COL18A1: variants seen among roughly 807,000 people sequenced by gnomAD.
COL18A1 encodes collagen type XVIII alpha 1 chain, also known as collagen alpha-1(XVIII) chain.
In COL18A1, 133 loss-of-function variants were observed where a neutral mutation model predicts 168.0. The ratio of observed to expected loss-of-function variants is 0.79; its 90% CI spans 0.69 to 0.91. The LOEUF is 0.91. Ranked by LOEUF, COL18A1 falls within the 40% of genes least tolerant of loss-of-function variation. The probability of loss-of-function intolerance (pLI) is 0.00; values close to 1 mark genes in which losing one functional copy is unlikely to be tolerated. For missense variants in COL18A1, 2,126 were observed against 1,925.4 expected (o/e 1.10, Z -1.95); for synonymous variants, 949 against 809.0 (o/e 1.17, Z -2.94).
At chr21:45,431,013 G>T (rs1260181919) in intron 2 of COL18A1, among the ~76,000 whole-genome samples, 1 of 152,244 alleles carries the variant, frequency 6.6e-6, no homozygotes, top group Non-Finnish European at 1.5e-5. Context: ...TTGACGGGCG[G>T]GCCGAGCAGG....
At chr21:45,504,782 C>A (rs1364438076) in intron 34 of COL18A1, among the ~76,000 whole-genome samples, 1 of 152,132 alleles carries the variant, frequency 6.6e-6, no homozygotes, top group African/African-American at 2.4e-5. Context: ...CCATGGCCTG[C>A]CCTCCTGCTG....
rs979668245 is a variant in COL18A1, at chr21:45,496,035, C to T, written c.2509-465C>T. 6.6e-5 allele frequency: 24 copies of T among 362,646 alleles called. No individual in the cohort carries two copies. The East Asian group carries it at 1.3e-3, about 19-fold the overall frequency. The allele number at this position is 362,646 out of a possible 1,614,324, so 22.5% of individuals were successfully genotyped here. A position where few individuals can be genotyped will look rare whatever the true frequency, so the allele number is the denominator to read the frequency against. On this transcript the variant is annotated intron_variant, in intron 29 of 41. Transcript: ENST00000651438. ...CCATATACACACATACAACAGGCCC[C>T]TGTGGATTCTCAGCAGGGCATCCAT...
At chr21:45,488,467 T>G (rs761021500) in intron 18 of COL18A1, 23 bp downstream of exon 18, 69 of 1,613,574 alleles carry the variant, frequency 4.3e-5, no homozygotes, top group Non-Finnish European at 6.8e-6. Flanking sequence ...TATGTCTGGG[T>G]TTCTGTGGTT....
intron 21 of COL18A1, 44 bp from the exon 22 acceptor site, chr21:45,491,181 G>A (rs1314772095): frequency 6.6e-7 from 1 of 1,525,314 alleles, no homozygotes; most frequent in Non-Finnish European, 9.1e-7. Context: ...GTCCTGGCCA[G>A]AGCGGTTGAG....
rs138109468 is a variant in COL18A1 at position 45,445,464 on chromosome 21, G to A, written c.107-22778G>A. Among the ~76,000 whole-genome samples, 259 of 152,258 alleles carry A rather than the reference G, an allele frequency of 1.7e-3. 1 individual carries two copies. Among genetic ancestry groups the A allele is most frequent in the African/African-American group, 6.0e-3 (250 of 41,528 alleles). ...GTGGACGTGTGTCTTCGTTTCTCTC[G>A]GGTATATACCTAAGGTGGAATCACT... On this transcript the variant is annotated intron_variant, in intron 2 of 41. Transcript: ENST00000651438.
intron 2 of COL18A1, among the ~76,000 whole-genome samples, chr21:45,461,839 C>T (rs1031421785): frequency 1.3e-5 from 2 of 152,174 alleles, no homozygotes; most frequent in South Asian, 2.1e-4. Context: ...TTATAATTGC[C>T]CATGTATTTA....
rs1983003751 is a variant in COL18A1 at position 45,423,846 on chromosome 21, G to A, written c.106+18373G>A. ...TTACTGGCCAGTTTAAGACCCTCTTGGAGCAGGGTTCTGCAGTGTCCTGGG... is the reference window on the plus strand; with the variant it reads ...TTACTGGCCAGTTTAAGACCCTCTTAGAGCAGGGTTCTGCAGTGTCCTGGG... On this transcript the variant is annotated intron_variant, in intron 2 of 41. Coordinates refer to ENST00000651438, the MANE Select transcript of COL18A1 (RefSeq NM_001379500.1). This position sits in a 1 kb window ranked among gnomAD's most constrained non-coding sequence, Gnocchi z 4.0. 1 of 152,296 alleles carries A rather than the reference G, an allele frequency of 6.6e-6. No homozygotes were observed. Among genetic ancestry groups the A allele is most frequent in the African/African-American group, 2.4e-5 (1 of 41,446 alleles). The allele number at this position is 152,296 out of a possible 1,614,324, so 9.4% of individuals were successfully genotyped here. A position where few individuals can be genotyped will look rare whatever the true frequency, so the allele number is the denominator to read the frequency against.
intron 29 of COL18A1, 184 bp downstream of exon 29, chr21:45,495,616 G>T (rs1335312400): frequency 1.7e-6 from 1 of 596,422 alleles, no homozygotes; most frequent in African/African-American, 1.9e-5. Flanking sequence ...ACGCACACGT[G>T]TGCCCAAACA....
At position 45,509,454 on chromosome 21, in the gene COL18A1, G is replaced by A; in HGVS notation, c.3348G>A (p.Trp1116Ter). 1 of 1,533,982 alleles carries A rather than the reference G, an allele frequency of 6.5e-7. No homozygotes were observed. The highest frequency in any genetic ancestry group is 8.8e-7 in the Non-Finnish European group (1 of 1,142,220). Residue 1116 changes from tryptophan to a stop codon, truncating the protein, a stop_gained, in exon 39 of 42, where the codon TGG (tryptophan) becomes TGA (stop). Coordinates refer to ENST00000651438, the MANE Select transcript of COL18A1 (RefSeq NM_001379500.1). LOFTEE classifies it high-confidence loss of function. Reference sequence around the variant, plus strand: ...ACCCCCACCCCACCGCGCGGCCCTGGCGGGCAGATGACATCCTGGCCAGCC... The same window carrying A: ...ACCCCCACCCCACCGCGCGGCCCTGACGGGCAGATGACATCCTGGCCAGCC... ...REHPHPTARP[W>*]RADDILASPP...
At chr21:45,428,055 C>T (rs1038525210) in intron 2 of COL18A1, among the ~76,000 whole-genome samples, 1 of 152,212 alleles carries the variant, frequency 6.6e-6, no homozygotes, top group African/African-American at 2.4e-5. Flanking sequence ...CCGGCCAAGG[C>T]CCGTCGGCAC....
intron 2 of COL18A1, among the ~76,000 whole-genome samples, chr21:45,411,768 G>A (rs901263266): frequency 9.4e-6 from 1 of 106,688 alleles, no homozygotes; most frequent in Non-Finnish European, 1.8e-5. Flanking sequence ...GCGGGGGGTG[G>A]GGGGGGGGCA....
Position 45,471,024 on chromosome 21 carries a change from G to GC in COL18A1, c.651+2239dup, listed in dbSNP as rs1159993870. Among the ~76,000 whole-genome samples, 8 of 131,988 alleles carry GC rather than the reference G, an allele frequency of 6.1e-5. No homozygotes were observed. The highest frequency in any genetic ancestry group is 1.4e-4 in the African/African-American group (4 of 29,420). The allele number at this position is 131,988 out of a possible 152,430, so 86.6% of individuals were successfully genotyped here. A position where few individuals can be genotyped will look rare whatever the true frequency, so the allele number is the denominator to read the frequency against. ...GCTGGGCCTGGGTGGCGTGCTACGG[G>GC]CTTGTGCTGCTGGGTGTGGGTGGCG... On this transcript the variant is annotated intron_variant, in intron 3 of 41. Transcript: ENST00000651438. The surrounding 1 kb of genome is among the most constrained non-coding windows in gnomAD (Gnocchi z 4.4).
In COL18A1 at chr21:45,493,556, C is replaced by G. The variant is rs1433179531; in HGVS notation, c.2333C>G (p.Pro778Arg). The G allele has an allele frequency of 6.4e-7, 1 of 1,556,644 alleles. No homozygotes were observed. Among genetic ancestry groups the G allele is most frequent in the Non-Finnish European group, 8.7e-7 (1 of 1,150,850 alleles). Residue 778 changes from proline to arginine, a missense_variant, in exon 26 of 42, where the codon CCT becomes CGT. By Grantham distance (103) the Pro-to-Arg change is moderately radical. Transcript: ENST00000651438. ...AGCCCCGACGGCGGTGCCCTGGGCC[C>G]TGCCCAGAAAGGAGCCAAGGTGAGG... ...IFSPDGGALG[P>R]AQKGAKGEPG...
At chr21:45,488,568 C>A in intron 18 of COL18A1, 124 bp downstream of exon 18, 3 of 1,446,964 alleles carry the variant, frequency 2.1e-6, no homozygotes, top group South Asian at 1.2e-5. Context: ...TGAATTCATC[C>A]TGGGAAGTTT....
In COL18A1 at chr21:45,480,466, G is replaced by T; in HGVS notation, c.1399-1G>T. 1 of 1,614,168 alleles carries T rather than the reference G, an allele frequency of 6.2e-7. No individual in the cohort carries two copies. Among genetic ancestry groups the T allele is most frequent in the South Asian group, 1.1e-5 (1 of 91,086 alleles). ...CGTGTCTCTCCGGCTCTTTTCCTCA[G>T]ACCTTCATTGACATGGAGGGATCTG... On this transcript the variant is annotated splice_acceptor_variant, in intron 11 of 41. Transcript: ENST00000651438. LOFTEE classifies it high-confidence loss of function.
intron 29 of COL18A1, chr21:45,495,682 A>C: frequency 2.0e-6 from 1 of 491,784 alleles, no homozygotes; most frequent in Non-Finnish European, 3.8e-6. Flanking sequence ...ACATGCATCT[A>C]TGCACATACA....
In COL18A1 at chr21:45,444,604, G is replaced by A. The variant is rs75774677; in HGVS notation, c.107-23638G>A. ...AGCTGCGAGCACCGGGGGCCAGCAC[G>A]AGAGCAGCTCTGAGAGCCTGGGTCG... On this transcript the variant is annotated intron_variant, in intron 2 of 41. Transcript: ENST00000651438. 6.0e-3 allele frequency among the ~76,000 whole-genome samples: 918 copies of A among 152,244 alleles called. 14 individuals are homozygous for A. Among genetic ancestry groups the A allele is most frequent in the African/African-American group, 0.021 (861 of 41,552 alleles).
intron 2 of COL18A1, among the ~76,000 whole-genome samples, chr21:45,429,812 C>T (rs1488430940): frequency 6.6e-6 from 1 of 152,240 alleles, no homozygotes; most frequent in East Asian, 1.9e-4. Flanking sequence ...TGGGCTCCCC[C>T]AACCAAGCCT....
At position 45,437,288 on chromosome 21, in the gene COL18A1, GCA is replaced by G. The variant is rs1336041353; in HGVS notation, c.107-30942_107-30941del. Among the ~76,000 whole-genome samples, 184 of 85,998 alleles carry G rather than the reference GCA, an allele frequency of 2.1e-3. 5 individuals carry two copies. The highest frequency in any genetic ancestry group is 5.2e-3 in the African/African-American group (91 of 17,494). 56.4% of individuals were successfully genotyped at this position (85,998 alleles called of 152,430 possible). A position where few individuals can be genotyped will look rare whatever the true frequency, so the allele number is the denominator to read the frequency against. On this transcript the variant is annotated intron_variant, in intron 2 of 41. Coordinates refer to ENST00000651438, the MANE Select transcript of COL18A1 (RefSeq NM_001379500.1). ...CACTCAGACACACAGGCACTCTCCTGCACACACACACACTCACACAGGCACTC... is the reference window on the plus strand; with the variant it reads ...CACTCAGACACACAGGCACTCTCCTGCACACACACACTCACACAGGCACTC...
Sources: allele counts gnomAD v4.1 joint callset (sites outside exome capture counted in the v4.1 genomes callset), GRCh38; gene constraint gnomAD v4.1.1; non-coding constraint Gnocchi (gnomAD v3.1); transcripts MANE v1.5; gene names NCBI Gene and HGNC (gene_info 2026-07-23, HGNC 2026-07-21).